Variants in TBXAS1 observed in about 807,000 individuals in gnomAD.
TBXAS1 encodes the protein thromboxane A synthase 1.
Under a neutral mutation model 60.7 loss-of-function variants are expected in TBXAS1, and 48 were observed. That is an observed-to-expected ratio of 0.79 (90% CI 0.63 to 1.01). The LOEUF is 1.01. Ranked by LOEUF, TBXAS1 falls within the 50% of genes least tolerant of loss-of-function variation. The pLI is 0.00. For synonymous variants in TBXAS1, 287 were observed against 269.7 expected (o/e 1.06, Z -0.63); for missense variants, 685 against 686.3 (o/e 1.00, Z 0.02).
intron 9 of TBXAS1, among the ~76,000 whole-genome samples, chr7:139,990,355 T>G (rs937632393): frequency 6.6e-6 from 1 of 152,208 alleles, no homozygotes; most frequent in Non-Finnish European, 1.5e-5. Flanking sequence ...GGCCTGGTAT[T>G]GAAGGGCAGC....
intron 1 of TBXAS1, among the ~76,000 whole-genome samples, chr7:139,868,760 G>A (rs555587339): frequency 2.0e-5 from 3 of 150,490 alleles, no homozygotes; most frequent in South Asian, 2.1e-4. Flanking sequence ...GGGTTCAAGC[G>A]ATTCTCGTGC....
chr7:139,881,014 G>A (rs1043347477), intron 3 of TBXAS1, among the ~76,000 whole-genome samples: 5 of 152,084 alleles, frequency 3.3e-5, no homozygotes, highest in Non-Finnish European at 5.9e-5. Flanking sequence ...CTGCAGTTTC[G>A]ATGTGCATTT....
chr7:139,796,494 A>C (rs912131867), intron 4 of TBXAS1, among the ~76,000 whole-genome samples: 1 of 152,206 alleles, frequency 6.6e-6, no homozygotes, highest in African/African-American at 2.4e-5. Context: ...GACAGAGGGG[A>C]TGAACACGTG....
chr7:139,819,551 G>A (rs1798239981), intron 4 of TBXAS1, among the ~76,000 whole-genome samples: 1 of 152,194 alleles, frequency 6.6e-6, no homozygotes, highest in African/African-American at 2.4e-5. Context: ...CGCCCAGGCT[G>A]GAGTGCAGTG....
chr7:139,781,870 G>A (rs1201986642), intron 2 of TBXAS1, among the ~76,000 whole-genome samples: 3 of 148,056 alleles, frequency 2.0e-5, no homozygotes, highest in South Asian at 2.1e-4. Flanking sequence ...AGGCAGAAAG[G>A]CATCAATTGG....
chr7:139,949,184 G>T (rs1054469134), intron 5 of TBXAS1, among the ~76,000 whole-genome samples: 2 of 152,170 alleles, frequency 1.3e-5, no homozygotes, highest in African/African-American at 4.8e-5. Context: ...TTCAGAATGG[G>T]TGGCCCCCTC....
rs886099582 is a variant in TBXAS1 at position 139,976,788 on chromosome 7, C to G, written c.1134+14555C>G. 3.3e-5 allele frequency among the ~76,000 whole-genome samples: 5 copies of G among 152,136 alleles called. No homozygotes were observed. The East Asian group carries it at 9.7e-4, about 29-fold the overall frequency. On this transcript the variant is annotated intron_variant, in intron 9 of 12. Coordinates refer to ENST00000448866, the MANE Select transcript of TBXAS1 (RefSeq NM_001061.7). ...AGGAGGAAGAACGTTGCCAGAATCC[C>G]ATGAGGCACAGATGCAAATGTGCAT...
chr7:139,911,646 C>T (rs553371998), intron 4 of TBXAS1, among the ~76,000 whole-genome samples: 11 of 152,230 alleles, frequency 7.2e-5, no homozygotes, highest in African/African-American at 2.2e-4. Flanking sequence ...AAGTGACTGA[C>T]GGAGAATGAG....
At chr7:139,859,924 A>G (rs766952914) in intron 1 of TBXAS1, among the ~76,000 whole-genome samples, 30 of 152,138 alleles carry the variant, frequency 2.0e-4, no homozygotes, top group Non-Finnish European at 4.0e-4. Context: ...GGATCACTTG[A>G]GGTTAGGAGT....
rs547549473 is a variant in TBXAS1 at position 139,936,620 on chromosome 7, TGTCTGTTGGAC to T, written c.450+314_450+324del. ...GGGCCCCAGGAGACAACTGCAACAGTGTCTGTTGGACTGTCATGCATAATGGATCACCTAGG... is the reference window on the plus strand; with the variant it reads ...GGGCCCCAGGAGACAACTGCAACAGTTGTCATGCATAATGGATCACCTAGG... On this transcript the variant is annotated intron_variant, in intron 5 of 12. Coordinates refer to ENST00000448866, the MANE Select transcript of TBXAS1 (RefSeq NM_001061.7). Among the ~76,000 whole-genome samples the T allele has an allele frequency of 3.3e-3, 502 of 152,340 alleles. 3 individuals carry two copies. The highest frequency in any genetic ancestry group is 0.012 in the African/African-American group (484 of 41,578).
chr7:139,979,727 CAATAATAATAATAATAAT>C (rs58553105), intron 9 of TBXAS1, among the ~76,000 whole-genome samples: 11 of 139,740 alleles, frequency 7.9e-5, no homozygotes, highest in East Asian at 6.2e-4. Flanking sequence ...GATTCCATCT[CAATAATAATAATAATAAT>C]AATAATAATA....
At chr7:139,895,764 A>G (rs1315421949) in intron 3 of TBXAS1, among the ~76,000 whole-genome samples, 1 of 152,212 alleles carries the variant, frequency 6.6e-6, no homozygotes, top group Non-Finnish European at 1.5e-5. Context: ...AGGGTTCTGT[A>G]TGCTGAGCTT....
intron 9 of TBXAS1, among the ~76,000 whole-genome samples, chr7:139,967,716 G>A (rs1810896464): frequency 6.6e-6 from 1 of 152,188 alleles, no homozygotes; most frequent in Admixed American, 6.5e-5. Flanking sequence ...CTCGAGCGGA[G>A]GAGAGGTTGA....
rs1363115052 is a variant in TBXAS1, at chr7:139,852,613, C to A, written c.90-19622C>A. On this transcript the variant is annotated intron_variant, in intron 1 of 12. Coordinates refer to ENST00000448866, the MANE Select transcript of TBXAS1 (RefSeq NM_001061.7). The surrounding 1 kb of genome is among the most constrained non-coding windows in gnomAD (Gnocchi z 4.4). ...GTCAAGACAAAGATCTGGGGGATTA[C>A]AGGAACAAACATGATGCAAGGGGAT... Among the ~76,000 whole-genome samples, 1 of 152,156 alleles carries A rather than the reference C, an allele frequency of 6.6e-6. No individual in the cohort carries two copies. Among genetic ancestry groups the A allele is most frequent in the Non-Finnish European group, 1.5e-5 (1 of 68,032 alleles).
intron 1 of TBXAS1, among the ~76,000 whole-genome samples, chr7:139,863,479 G>A (rs765722202): frequency 2.0e-5 from 3 of 152,168 alleles, no homozygotes; most frequent in Non-Finnish European, 4.4e-5. Context: ...AAAAACAATA[G>A]GAAGGTCTTG....
rs1035651468 is a variant in TBXAS1, at chr7:139,940,945, A to T, written c.450+4638A>T. Among the ~76,000 whole-genome samples the T allele has an allele frequency of 4.8e-4, 73 of 151,682 alleles. 1 individual carries two copies. The highest frequency in any genetic ancestry group is 4.7e-3 in the Admixed American group (72 of 15,190). On this transcript the variant is annotated intron_variant, in intron 5 of 12. Transcript: ENST00000448866. ...TCAAGAAAAAATTAAATAAGAGGATACAGCAAACTGGCTTTTCCTTTAGAG... is the reference window on the plus strand; with the variant it reads ...TCAAGAAAAAATTAAATAAGAGGATTCAGCAAACTGGCTTTTCCTTTAGAG...
At chr7:139,849,667 G>A (rs1449309293) in intron 1 of TBXAS1, among the ~76,000 whole-genome samples, 1 of 152,158 alleles carries the variant, frequency 6.6e-6, no homozygotes, top group Non-Finnish European at 1.5e-5. Context: ...TCTAGGAAGG[G>A]CAAAGAATTG....
intron 12 of TBXAS1, among the ~76,000 whole-genome samples, chr7:140,018,667 A>G (rs1815294806): frequency 6.6e-6 from 1 of 152,176 alleles, no homozygotes; most frequent in Admixed American, 6.5e-5. Context: ...AGGAGTGACT[A>G]TTCCCATTCT....
intron 1 of TBXAS1, among the ~76,000 whole-genome samples, chr7:139,847,724 C>T (rs550855061): frequency 6.6e-6 from 1 of 152,318 alleles, no homozygotes; most frequent in Admixed American, 6.5e-5. Flanking sequence ...TCTACTGAAA[C>T]GGCTTTCTTC....
Sources: gnomAD v4.1 joint callset for allele counts (sites outside exome capture counted in the v4.1 genomes callset) on GRCh38, gnomAD v4.1.1 for gene constraint, Gnocchi (gnomAD v3.1) non-coding constraint, MANE v1.5 for transcripts, NCBI Gene and HGNC (gene_info 2026-07-23, HGNC 2026-07-21) for gene names.